GALNT2: variants seen among roughly 807,000 people sequenced by gnomAD.
The protein encoded by GALNT2 is polypeptide N-acetylgalactosaminyltransferase 2, also known as UDP-GalNAc:polypeptide N-acetylgalactosaminyltransferase 2.
A neutral mutation model predicts 81.4 loss-of-function variants in GALNT2; 31 were observed. The observed-to-expected ratio is 0.38, with a 90% CI of 0.29 to 0.51. The LOEUF is 0.51. Ranked by LOEUF, GALNT2 falls within the 20% of genes least tolerant of loss-of-function variation. The pLI is 0.87. For synonymous variants in GALNT2, 303 were observed against 287.4 expected (o/e 1.05, Z -0.55); for missense variants, 629 against 765.7 (o/e 0.82, Z 2.11).
intron 1 of GALNT2, among the ~76,000 whole-genome samples, chr1:230,170,004 C>T (rs1365593273): frequency 1.3e-5 from 2 of 152,198 alleles, no homozygotes; most frequent in Admixed American, 1.3e-4. Flanking sequence ...AGGCTGGGTC[C>T]CATTCCCTAA....
At position 230,279,876 on chromosome 1, in the gene GALNT2, A is replaced by G. The variant is rs973097946; in HGVS notation, c.*418A>G. 1.1e-5 allele frequency: 5 copies of G among 461,248 alleles called. No individual in the cohort carries two copies. Among genetic ancestry groups the G allele is most frequent in the Admixed American group, 7.0e-5 (3 of 42,664 alleles). 28.6% of individuals were successfully genotyped at this position (461,248 alleles called of 1,614,324 possible). A position where few individuals can be genotyped will look rare whatever the true frequency, so the allele number is the denominator to read the frequency against. ...AGCGAGGAGAACTCTTGAAATCTCC[A>G]TTTTCAATCCCTTCGAAATCACGTA... On this transcript the variant is annotated 3_prime_UTR_variant, in exon 16 of 16. Coordinates refer to ENST00000366672, the MANE Select transcript of GALNT2 (RefSeq NM_004481.5). The surrounding 1 kb of genome is among the most constrained non-coding windows in gnomAD (Gnocchi z 4.6).
intron 13 of GALNT2, 181 bp from the exon 14 acceptor site, chr1:230,265,059 GC>G: frequency 3.0e-6 from 2 of 656,824 alleles, no homozygotes; most frequent in Non-Finnish European, 5.3e-6. Context: ...GAAGTCCAGA[GC>G]CTGGGAGAAA....
At chr1:230,191,722 A>G (rs961888156) in intron 2 of GALNT2, among the ~76,000 whole-genome samples, 2 of 152,226 alleles carry the variant, frequency 1.3e-5, no homozygotes, top group Non-Finnish European at 2.9e-5. Context: ...TATGTTCCCC[A>G]GGCTGATCTC....
chr1:230,249,374 C>G, intron 9 of GALNT2, 103 bp downstream of exon 9: 1 of 898,310 alleles, frequency 1.1e-6, no homozygotes, highest in Admixed American at 2.4e-5. Context: ...GGGCTGTTCA[C>G]CTTCTGCCCT....
chr1:230,264,095 C>T (rs1665961003), intron 13 of GALNT2: 1 of 152,324 alleles, frequency 6.6e-6, no homozygotes, highest in Non-Finnish European at 1.5e-5. Context: ...ACCAGATGGT[C>T]ACCAGCGATG....
chr1:230,270,603 T>G (rs752577529), intron 14 of GALNT2, among the ~76,000 whole-genome samples: 1 of 152,232 alleles, frequency 6.6e-6, no homozygotes, highest in Admixed American at 6.5e-5. Context: ...ACAAACCCAC[T>G]GTGCGTGAGT....
At chr1:230,079,267 G>C (rs968874094) in intron 1 of GALNT2, among the ~76,000 whole-genome samples, 19 of 152,228 alleles carry the variant, frequency 1.2e-4, no homozygotes, top group African/African-American at 4.3e-4. Flanking sequence ...TATAATTCCT[G>C]GTACTTCAAA....
chr1:230,134,691 T>C (rs909368873), intron 1 of GALNT2, among the ~76,000 whole-genome samples: 1 of 152,200 alleles, frequency 6.6e-6, no homozygotes, highest in African/African-American at 2.4e-5. Context: ...CATTTCACAG[T>C]TGTACTCTTC....
chr1:230,270,729 G>A (rs1450941491), intron 14 of GALNT2, among the ~76,000 whole-genome samples: 1 of 152,210 alleles, frequency 6.6e-6, no homozygotes, highest in Non-Finnish European at 1.5e-5. Context: ...TTGGAAGAGT[G>A]AGGTTTGTTA....
At chr1:230,278,376 C>G (rs1024588481) in intron 15 of GALNT2, among the ~76,000 whole-genome samples, 1 of 152,066 alleles carries the variant, frequency 6.6e-6, no homozygotes, top group African/African-American at 2.4e-5. Context: ...CTTCCTGCCT[C>G]GGCCTCCCAA....
In GALNT2 at chr1:230,236,371, G is replaced by T. The variant is rs34897003; in HGVS notation, c.492G>T (p.Pro164=). Residue 164 remains proline, a synonymous_variant, in exon 5 of 16, where the codon CCG becomes CCT. Transcript: ENST00000366672. ...TTCTTAGCGTGCTTAAGAAAAGCCC[G>T]CCCCATCTCATAAAAGAAATCATCT... is the stretch of plus-strand genomic sequence containing the variant. ...RTVVSVLKKS[P]PHLIKEIILV... 3.7e-6 allele frequency: 6 copies of T among 1,613,766 alleles called. No individual in the cohort carries two copies. Among genetic ancestry groups the T allele is most frequent in the Admixed American group, 1.7e-5 (1 of 59,962 alleles).
At chr1:230,196,238 C>G (rs949855043) in intron 2 of GALNT2, among the ~76,000 whole-genome samples, 6 of 152,216 alleles carry the variant, frequency 3.9e-5, no homozygotes, top group African/African-American at 1.4e-4. Context: ...TTACATGCCT[C>G]CTGCATCTGG....
At chr1:230,065,607 G>A (rs1659154422), upstream of GALNT2, among the ~76,000 whole-genome samples, 2 of 152,144 alleles carry the variant, frequency 1.3e-5, no homozygotes, top group Non-Finnish European at 2.9e-5. Context: ...ATCTTTAAAT[G>A]CAGTTGATTT....
rs1665761793 is a variant in GALNT2, at chr1:230,257,836, A to G, written c.1136+2492A>G. Among the ~76,000 whole-genome samples the G allele has an allele frequency of 6.6e-6, 1 of 152,094 alleles. No homozygotes were observed. The highest frequency in any genetic ancestry group is 6.6e-5 in the Admixed American group (1 of 15,266). ...TGATGCCCAGGAGCTTTGTTACACA[A>G]CTGCGCTGGCGTGCTGCCCCTACAG... On this transcript the variant is annotated intron_variant, in intron 11 of 15. Coordinates refer to ENST00000366672, the MANE Select transcript of GALNT2 (RefSeq NM_004481.5). This position sits in a 1 kb window ranked among gnomAD's most constrained non-coding sequence, Gnocchi z 4.6.
At chr1:230,164,590 G>T (rs1233939519) in intron 1 of GALNT2, among the ~76,000 whole-genome samples, 1 of 151,554 alleles carries the variant, frequency 6.6e-6, no homozygotes, top group Non-Finnish European at 1.5e-5. Flanking sequence ...CTGGAGTCCA[G>T]TGGTGCGATC....
intron 1 of GALNT2, among the ~76,000 whole-genome samples, chr1:230,130,188 C>T (rs1474065193): frequency 1.3e-5 from 2 of 152,236 alleles, no homozygotes; most frequent in Admixed American, 6.5e-5. Flanking sequence ...CTCATCCCGC[C>T]TTCTACTACC....
chr1:230,111,758 CA>C (rs1252203641), intron 1 of GALNT2, among the ~76,000 whole-genome samples: 12 of 152,060 alleles, frequency 7.9e-5, no homozygotes, highest in Admixed American at 7.2e-4. Flanking sequence ...TTTGCAAGAT[CA>C]AAAATGGAAG....
intron 1 of GALNT2, among the ~76,000 whole-genome samples, chr1:230,093,302 A>T (rs1481878168): frequency 6.6e-6 from 1 of 151,886 alleles, no homozygotes; most frequent in Non-Finnish European, 1.5e-5. Context: ...ACTGAACATG[A>T]TAATAGTGTC....
chr1:230,231,733 A>G (rs1664871708), intron 3 of GALNT2, among the ~76,000 whole-genome samples: 1 of 152,230 alleles, frequency 6.6e-6, no homozygotes, highest in African/African-American at 2.4e-5. Flanking sequence ...TTCTTAAAAC[A>G]GATCTTTACA....
Sources: gnomAD v4.1 joint callset for allele counts (sites outside exome capture counted in the v4.1 genomes callset) on GRCh38, gnomAD v4.1.1 for gene constraint, Gnocchi (gnomAD v3.1) non-coding constraint, MANE v1.5 for transcripts, NCBI Gene and HGNC (gene_info 2026-07-23, HGNC 2026-07-21) for gene names.